Variants in ZNF330 observed in about 807,000 individuals in gnomAD.
ZNF330 encodes the protein zinc finger protein 330.
A neutral mutation model predicts 45.5 loss-of-function variants in ZNF330; 31 were observed. The ratio of observed to expected loss-of-function variants is 0.68; its 90% CI spans 0.51 to 0.92. ZNF330 has a LOEUF of 0.92. Among genes scored for constraint, ZNF330 ranks in the 40% least tolerant of loss-of-function variants. ZNF330 has a pLI of 0.00. For synonymous variants in ZNF330, 138 were observed against 123.2 expected (o/e 1.12, Z -0.79); for missense variants, 356 against 387.4 (o/e 0.92, Z 0.68).
At chr4:141,233,254 G>A (rs1349200887) in intron 9 of ZNF330, among the ~76,000 whole-genome samples, 2 of 152,092 alleles carry the variant, frequency 1.3e-5, no homozygotes, top group Non-Finnish European at 2.9e-5. Context: ...TAGTTGCATG[G>A]TGAGGTGAGA....
chr4:141,222,234 C>A, intron 1 of ZNF330, 132 bp from the exon 2 acceptor site: 1 of 1,077,462 alleles, frequency 9.3e-7, no homozygotes, highest in Non-Finnish European at 1.3e-6. Context: ...TTAGAATGTG[C>A]TTAACTATCG....
rs2111260376 is a variant in ZNF330 at position 141,232,553 on chromosome 4, G to A, written c.599G>A (p.Ser200Asn). The A allele has an allele frequency of 1.3e-6, 2 of 1,595,002 alleles. No homozygotes were observed. The highest frequency in any genetic ancestry group is 1.2e-5 in the South Asian group (1 of 86,566). ...KACFCDDHTR[S>N]KVFKQEKGKQ... The stretch of plus-strand genomic sequence containing the variant: ...TGTTTCTGTGATGATCATACAAGGA[G>A]CAAAGTGTTTAAGCAAGAAAAAGGA... The change falls in exon 9 of 10, where the codon AGC (serine) becomes AAC (asparagine). Residue 200 changes from serine (S) to asparagine (N), a missense_variant. Coordinates refer to ENST00000262990, the MANE Select transcript of ZNF330 (RefSeq NM_014487.6).
In ZNF330 at chr4:141,232,629, C is replaced by A. The variant is rs372422970; in HGVS notation, c.675C>A (p.Asp225Glu). ...KCGHETQETK[D>E]LSMSTRSLKF... ...GGCATGAAACTCAGGAGACTAAGGA[C>A]CTTAGCATGTCAAGTAAGGCCCTTA... The change falls in exon 9 of 10, where the codon GAC becomes GAA. Residue 225 changes from aspartate (D) to glutamate (E), a missense_variant. Physicochemically the swap from Asp to Glu is conservative, Grantham distance 45 (BLOSUM62 2). Coordinates refer to ENST00000262990, the MANE Select transcript of ZNF330 (RefSeq NM_014487.6). 1.3e-6 allele frequency: 2 copies of A among 1,563,798 alleles called. No individual in the cohort carries two copies. Among genetic ancestry groups the A allele is most frequent in the Non-Finnish European group, 1.7e-6 (2 of 1,157,042 alleles).
In ZNF330 at chr4:141,224,662, A is replaced by G; in HGVS notation, c.196A>G (p.Ile66Val). 1 of 1,613,420 alleles carries G rather than the reference A, an allele frequency of 6.2e-7. No individual in the cohort carries two copies. The highest frequency in any genetic ancestry group is 8.5e-7 in the Non-Finnish European group (1 of 1,179,490). The change falls in exon 4 of 10, where the codon ATT becomes GTT. Residue 66 changes from isoleucine (I) to valine (V), a missense_variant. Ile to Val is a conservative substitution (Grantham distance 29). Coordinates refer to ENST00000262990, the MANE Select transcript of ZNF330 (RefSeq NM_014487.6). ...TTGTAATTCTGTACAGAAGTTACCA[A>G]TTTGTGCACAGTGTGGTAAGTTTGT... ...YFCNSVQKLP[I>V]CAQCGKTKCM... is the part of the protein sequence containing the mutation.
intron 5 of ZNF330, among the ~76,000 whole-genome samples, chr4:141,229,236 C>G (rs1728887463): frequency 6.6e-6 from 1 of 152,082 alleles, no homozygotes; most frequent in South Asian, 2.1e-4. Context: ...TTGGTTCCTT[C>G]AAACTTTATT....
At chr4:141,230,392 GTCTT>G (rs1728920787) in intron 7 of ZNF330, 122 bp downstream of exon 7, 1 of 561,620 alleles carries the variant, frequency 1.8e-6, no homozygotes. Context: ...ATTTAACTCA[GTCTT>G]TATTTTCTGT....
intron 2 of ZNF330, 145 bp from the exon 3 acceptor site, chr4:141,224,342 G>A (rs542684730): frequency 1.4e-6 from 1 of 707,442 alleles, no homozygotes; most frequent in East Asian, 2.5e-5. Context: ...GCATGGGTAG[G>A]TGCTTGTATA....
chr4:141,232,656 G>A lies in ZNF330; in HGVS notation c.688+14G>A. 7.1e-7 allele frequency: 1 copy of A among 1,402,282 alleles called. No individual in the cohort carries two copies. Among genetic ancestry groups the A allele is most frequent in the South Asian group, 1.5e-5 (1 of 65,576 alleles). The allele number at this position is 1,402,282 out of a possible 1,614,324, so 86.9% of individuals were successfully genotyped here. A position where few individuals can be genotyped will look rare whatever the true frequency, so the allele number is the denominator to read the frequency against. ...TTAGCATGTCAAGTAAGGCCCTTAA[G>A]ATACTAAGGAAGTGATTTTTGCTTT... On this transcript the variant is annotated intron_variant, in intron 9 of 9. Transcript: ENST00000262990.
chr4:141,222,185 C>A (rs976592658), intron 1 of ZNF330, among the ~76,000 whole-genome samples, 181 bp from the exon 2 acceptor site: 4 of 152,046 alleles, frequency 2.6e-5, no homozygotes, highest in African/African-American at 9.7e-5. Context: ...GGATCACCCG[C>A]TTCATTTGGA....
chr4:141,234,156 A>G lies in ZNF330; in HGVS notation c.*167A>G. 1.6e-6 allele frequency: 2 copies of G among 1,275,544 alleles called. No individual in the cohort carries two copies. The highest frequency in any genetic ancestry group is 2.1e-5 in the South Asian group (1 of 47,932). The allele number at this position is 1,275,544 out of a possible 1,614,324, so 79.0% of individuals were successfully genotyped here. On this transcript the variant is annotated 3_prime_UTR_variant, in exon 10 of 10. Transcript: ENST00000262990. ...GTGTAGCGTTTTTATAGAACTGATA[A>G]TCAGGCTTATGGCATAAGAAAAATG...
rs774328374 is a variant in ZNF330, at chr4:141,230,144, TTG to T, written c.419-18_419-17del. On this transcript the variant is annotated intron_variant, in intron 6 of 9. Coordinates refer to ENST00000262990, the MANE Select transcript of ZNF330 (RefSeq NM_014487.6). ...AAATTAAAGTTTATCTTAATTACAT[TTG>T]TGTTTTTTTAATCCAATAGGAGGCA... is the stretch of plus-strand genomic sequence containing the variant. 1.3e-6 allele frequency: 2 copies of T among 1,493,426 alleles called. No homozygotes were observed. Among genetic ancestry groups the T allele is most frequent in the East Asian group, 2.3e-5 (1 of 44,200 alleles). 92.5% of individuals were successfully genotyped at this position (1,493,426 alleles called of 1,614,324 possible). A position where few individuals can be genotyped will look rare whatever the true frequency, so the allele number is the denominator to read the frequency against.
intron 5 of ZNF330, among the ~76,000 whole-genome samples, chr4:141,228,512 C>T (rs1213640689): frequency 6.6e-6 from 1 of 152,000 alleles, no homozygotes; most frequent in Non-Finnish European, 1.5e-5. Context: ...CACAGTTCTC[C>T]CTATATGGCC....
chr4:141,222,238 A>T, intron 1 of ZNF330, 128 bp from the exon 2 acceptor site: 1 of 1,113,498 alleles, frequency 9.0e-7, no homozygotes, highest in Non-Finnish European at 1.2e-6. Context: ...AATGTGCTTA[A>T]CTATCGAAAG....
At position 141,231,498 on chromosome 4, in the gene ZNF330, GT is replaced by G. The variant is rs760546376; in HGVS notation, c.570+20del. The G allele has an allele frequency of 5.9e-5, 93 of 1,575,902 alleles. No homozygotes were observed. Among genetic ancestry groups the G allele is most frequent in the Non-Finnish European group, 6.9e-6 (8 of 1,163,376 alleles). On this transcript the variant is annotated intron_variant, in intron 8 of 9. Coordinates refer to ENST00000262990, the MANE Select transcript of ZNF330 (RefSeq NM_014487.6). ...TCTCCGTTGTAAGGTATACCAATGCGTTTTTTTCTTTTTAGATTTTGTTTTT... is the reference window on the plus strand; with the variant it reads ...TCTCCGTTGTAAGGTATACCAATGCGTTTTTTCTTTTTAGATTTTGTTTTT...
chr4:141,232,896 G>A (rs1728993450), intron 9 of ZNF330, among the ~76,000 whole-genome samples: 1 of 137,284 alleles, frequency 7.3e-6, no homozygotes, highest in Admixed American at 7.0e-5. Context: ...TGAAATTTAA[G>A]ATAAAGAGTG....
upstream of ZNF330, among the ~76,000 whole-genome samples, chr4:141,220,645 TC>T (rs1728648882): frequency 1.3e-5 from 2 of 152,234 alleles, no homozygotes; most frequent in African/African-American, 2.4e-5. Flanking sequence ...AGTCAATTGA[TC>T]CAGTACCAAG....
intron 1 of ZNF330, among the ~76,000 whole-genome samples, 176 bp from the exon 2 acceptor site, chr4:141,222,190 T>C (rs1205797166): frequency 6.6e-6 from 1 of 152,154 alleles, no homozygotes; most frequent in African/African-American, 2.4e-5. Context: ...ACCCGCTTCA[T>C]TTGGAATAAT....
Position 141,220,903 on chromosome 4 carries a change from A to G in ZNF330, c.-212A>G, listed in dbSNP as rs1266984729. On this transcript the variant is annotated 5_prime_UTR_variant, in exon 1 of 10. Coordinates refer to ENST00000262990, the MANE Select transcript of ZNF330 (RefSeq NM_014487.6). ...GTCAGCCGTAAGGCGCTGCTGTCGT[A>G]AAAGGACGTCCGGTCCGTCTCCTAG... 3.9e-5 allele frequency: 6 copies of G among 152,194 alleles called. No homozygotes were observed. In the East Asian group the frequency reaches 1.2e-3, roughly 29 times the overall value. 9.4% of individuals were successfully genotyped at this position (152,194 alleles called of 1,614,324 possible). A position where few individuals can be genotyped will look rare whatever the true frequency, so the allele number is the denominator to read the frequency against.
At chr4:141,229,969 G>T (rs1728909601) in intron 6 of ZNF330, among the ~76,000 whole-genome samples, 197 bp from the exon 7 acceptor site, 1 of 151,956 alleles carries the variant, frequency 6.6e-6, no homozygotes, top group East Asian at 1.9e-4. Context: ...GAGAGTAAGA[G>T]CCCCCTTTTC....
Sources: gnomAD v4.1 joint callset for allele counts (sites outside exome capture counted in the v4.1 genomes callset) on GRCh38, gnomAD v4.1.1 for gene constraint, MANE v1.5 for transcripts, NCBI Gene and HGNC (gene_info 2026-07-23, HGNC 2026-07-21) for gene names.